The following ATF3 variants were observed in gnomAD, a reference collection of about 807,000 sequenced individuals.
ATF3 encodes the protein activating transcription factor 3, also known as cyclic AMP-dependent transcription factor ATF-3.
In ATF3, 10 loss-of-function variants were observed where a neutral mutation model predicts 18.4. The observed-to-expected ratio is 0.54, with a 90% CI of 0.34 to 0.92. The LOEUF (loss-of-function observed/expected upper bound fraction) is 0.92. ATF3 is among the 40% of genes least tolerant of loss of function. The probability of loss-of-function intolerance (pLI) is 0.02; values close to 1 mark genes in which losing one functional copy is unlikely to be tolerated. For missense variants in ATF3, 183 were observed against 222.3 expected (o/e 0.82, Z 1.12); for synonymous variants, 78 against 87.9 (o/e 0.89, Z 0.63).
At chr1:212,607,793 C>G (rs1010023647), upstream of ATF3, among the ~76,000 whole-genome samples, 4 of 152,214 alleles carry the variant, frequency 2.6e-5, no homozygotes, top group East Asian at 1.9e-4. Flanking sequence ...CGCTGGCTTC[C>G]GCCCCCTCCT....
intron 1 of ATF3, among the ~76,000 whole-genome samples, chr1:212,583,707 A>G (rs539418947): frequency 6.6e-6 from 1 of 152,318 alleles, no homozygotes; most frequent in East Asian, 1.9e-4. Flanking sequence ...CCTAGCCAGC[A>G]GTGCAGGTTA....
chr1:212,593,522 C>T (rs910498566), intron 1 of ATF3, among the ~76,000 whole-genome samples: 8 of 151,842 alleles, frequency 5.3e-5, no homozygotes, highest in African/African-American at 1.9e-4. Context: ...GTGGCTTGAG[C>T]CCAGGCATTC....
At chr1:212,577,893 G>T (rs1331163099) in intron 1 of ATF3, among the ~76,000 whole-genome samples, 1 of 152,170 alleles carries the variant, frequency 6.6e-6, no homozygotes, top group Non-Finnish European at 1.5e-5. Context: ...AACCTGAAGT[G>T]CAGATATCTC....
chr1:212,580,024 G>C (rs2102626232), intron 1 of ATF3, among the ~76,000 whole-genome samples: 1 of 151,662 alleles, frequency 6.6e-6, no homozygotes, highest in Middle Eastern at 3.4e-3. Flanking sequence ...CTGTGTGCCT[G>C]TAATCCCAGC....
At chr1:212,612,758 T>C (rs942854337) in intron 1 of ATF3, among the ~76,000 whole-genome samples, 4 of 152,106 alleles carry the variant, frequency 2.6e-5, no homozygotes, top group African/African-American at 7.2e-5. Context: ...CATTGGTGTA[T>C]GTTAGATCTC....
rs1273360724 is a variant in ATF3, at chr1:212,620,154, T to C, written c.*599T>C. ...TTTCTCAGATCTGGTTTCTAAGAGTTTTGGGGGGCGGGGCTGTCACCACGT... is the reference window on the plus strand; with the variant it reads ...TTTCTCAGATCTGGTTTCTAAGAGTCTTGGGGGGCGGGGCTGTCACCACGT... On this transcript the variant is annotated 3_prime_UTR_variant, in exon 4 of 4. Transcript: ENST00000341491. 1 of 155,798 alleles carries C rather than the reference T, an allele frequency of 6.4e-6. No individual in the cohort carries two copies. The highest frequency in any genetic ancestry group is 2.4e-5 in the African/African-American group (1 of 41,446). The allele number at this position is 155,798 out of a possible 1,614,324, so 9.7% of individuals were successfully genotyped here.
At chr1:212,589,805 T>C (rs1281228441) in intron 1 of ATF3, among the ~76,000 whole-genome samples, 3 of 84,596 alleles carry the variant, frequency 3.5e-5, no homozygotes, top group Middle Eastern at 6.2e-3. Context: ...TGGTCAACTT[T>C]TTTTTTTTTT....
At chr1:212,604,690 A>G (rs1654571948), upstream of ATF3, among the ~76,000 whole-genome samples, 1 of 152,170 alleles carries the variant, frequency 6.6e-6, no homozygotes, top group African/African-American at 2.4e-5. Context: ...AGTTGCCAGA[A>G]GCTCATAGGG....
chr1:212,574,003 T>C (rs1282014641), intron 1 of ATF3, among the ~76,000 whole-genome samples: 1 of 151,706 alleles, frequency 6.6e-6, no homozygotes, highest in Admixed American at 6.6e-5. Flanking sequence ...TTAAAAAAAG[T>C]GCTCTTGAAT....
chr1:212,615,267 T>A lies in ATF3; in HGVS notation c.240+6T>A, dbSNP rs747639636. The A allele has an allele frequency of 6.2e-7, 1 of 1,613,520 alleles. No individual in the cohort carries two copies. The highest frequency in any genetic ancestry group is 8.5e-7 in the Non-Finnish European group (1 of 1,179,606). On this transcript the variant is annotated splice_donor_region_variant and intron_variant, in intron 2 of 3. Coordinates refer to ENST00000341491, the MANE Select transcript of ATF3 (RefSeq NM_001674.4). Reference sequence around the variant, plus strand: ...TGTCCATCACAAAAGCCGAGGTGGGTTCTATCACAGGTATTCATTCTTTCG... The same window carrying A: ...TGTCCATCACAAAAGCCGAGGTGGGATCTATCACAGGTATTCATTCTTTCG...
rs1655211832 is a variant in ATF3 at position 212,618,173 on chromosome 1, A to G, written c.287A>G (p.Asn96Ser). Reference protein sequence around the residue: ...DERKKRRRERNKIAAAKCRNK... With the variant: ...DERKKRRRERSKIAAAKCRNK... ...AGGAAAAAGAGGCGACGAGAAAGAA[A>G]TAAGATTGCAGCTGCAAAGTGCCGA... The change falls in exon 3 of 4, where the codon AAT becomes AGT. Residue 96 changes from asparagine (N) to serine (S), a missense_variant. Asn to Ser is a conservative substitution (Grantham distance 46). Coordinates refer to ENST00000341491, the MANE Select transcript of ATF3 (RefSeq NM_001674.4). This position sits in a 1 kb window ranked among gnomAD's most constrained non-coding sequence, Gnocchi z 4.4. The G allele has an allele frequency of 6.2e-7, 1 of 1,614,160 alleles. No homozygotes were observed. Among genetic ancestry groups the G allele is most frequent in the Non-Finnish European group, 8.5e-7 (1 of 1,180,006 alleles).
At chr1:212,604,470 C>T (rs908691112), upstream of ATF3, among the ~76,000 whole-genome samples, 1 of 152,180 alleles carries the variant, frequency 6.6e-6, no homozygotes, top group Admixed American at 6.5e-5. Context: ...GGTGTTCTGC[C>T]ACATCCCTCT....
At chr1:212,587,753 C>T (rs144438665) in intron 1 of ATF3, among the ~76,000 whole-genome samples, 170 of 152,282 alleles carry the variant, frequency 1.1e-3, no homozygotes, top group Non-Finnish European at 2.0e-3. Context: ...GTATCTCCTG[C>T]CTTTCGTCCC....
chr1:212,573,494 A>C (rs1045057214), intron 1 of ATF3, among the ~76,000 whole-genome samples: 4 of 151,410 alleles, frequency 2.6e-5, no homozygotes, highest in Admixed American at 6.6e-5. Context: ...CTGAATTTGG[A>C]TTTTCTTTTC....
intron 1 of ATF3, among the ~76,000 whole-genome samples, chr1:212,568,313 C>T (rs919849340): frequency 2.0e-5 from 3 of 152,092 alleles, no homozygotes; most frequent in Non-Finnish European, 4.4e-5. Context: ...GAATTACACA[C>T]AAAAATATTT....
upstream of ATF3, among the ~76,000 whole-genome samples, chr1:212,604,258 G>A (rs1654562912): frequency 6.6e-6 from 1 of 152,206 alleles, no homozygotes; most frequent in Admixed American, 6.5e-5. Flanking sequence ...AGGTAAACCT[G>A]TGGATGAATC....
At chr1:212,579,396 G>C (rs1271433883) in intron 1 of ATF3, among the ~76,000 whole-genome samples, 1 of 152,236 alleles carries the variant, frequency 6.6e-6, no homozygotes, top group South Asian at 2.1e-4. Context: ...GCACCACAAA[G>C]AGCAGGGCAG....
intron 1 of ATF3, among the ~76,000 whole-genome samples, chr1:212,593,743 TA>T (rs58956572): frequency 0.083 from 9,583 of 114,922 alleles, 480 homozygotes; most frequent in Admixed American, 0.21. Context: ...CCTGTCTCTT[TA>T]AAAAAAAAAA....
chr1:212,582,467 G>T (rs979840182), intron 1 of ATF3, among the ~76,000 whole-genome samples: 2 of 152,216 alleles, frequency 1.3e-5, no homozygotes, highest in African/African-American at 4.8e-5. Flanking sequence ...GGGCTGTGTG[G>T]GTTCTCCCCC....
Sources: gnomAD v4.1 joint callset for allele counts (sites outside exome capture counted in the v4.1 genomes callset) on GRCh38, gnomAD v4.1.1 for gene constraint, Gnocchi (gnomAD v3.1) non-coding constraint, MANE v1.5 for transcripts, NCBI Gene and HGNC (gene_info 2026-07-23, HGNC 2026-07-21) for gene names.